CEACAM21: variants seen among roughly 807,000 people sequenced by gnomAD.
CEACAM21 encodes cell adhesion molecule CEACAM21.
A neutral mutation model predicts 33.2 loss-of-function variants in CEACAM21; 38 were observed. The ratio of observed to expected loss-of-function variants is 1.14; its 90% confidence interval spans 0.88 to 1.50. The LOEUF is 1.50. Ranked by LOEUF, CEACAM21 falls within the 40% of genes most tolerant of loss-of-function variation. The pLI is 0.00. For missense variants in CEACAM21, 385 were observed against 364.6 expected, an observed-to-expected ratio of 1.06 and a Z score of -0.46; for synonymous variants, 156 against 143.0, an observed-to-expected ratio of 1.09 and a Z score of -0.65.
chr19:41,563,998 T>A (rs1470274760), intron 1 of CEACAM21, among the ~76,000 whole-genome samples: 3 of 152,226 alleles, frequency 2.0e-5, no homozygotes, highest in African/African-American at 7.2e-5. Flanking sequence ...AGTATCTGAA[T>A]CTGCAGGGCC....
At chr19:41,558,387 C>CCTGT (rs1357420435) in intron 1 of CEACAM21, among the ~76,000 whole-genome samples, 2 of 152,146 alleles carry the variant, frequency 1.3e-5, no homozygotes, top group Non-Finnish European at 2.9e-5. Flanking sequence ...GTGGCTCACA[C>CCTGT]CTGTAATCCT....
At chr19:41,565,523 T>A (rs1326651688) in intron 2 of CEACAM21, 1 of 150,344 alleles carries the variant, frequency 6.7e-6, no homozygotes, top group African/African-American at 2.5e-5. Flanking sequence ...GAGATTTACA[T>A]CTCCAGTCTT....
upstream of CEACAM21, among the ~76,000 whole-genome samples, chr19:41,573,155 A>C (rs1386641006): frequency 6.6e-6 from 1 of 152,154 alleles, no homozygotes; most frequent in Non-Finnish European, 1.5e-5. Flanking sequence ...CAGAATCCTC[A>C]ATCTGTAGTG....
chr19:41,551,299 A>G (rs1555784158), intron 1 of CEACAM21: 2 of 151,920 alleles, frequency 1.3e-5, no homozygotes, highest in African/African-American at 4.8e-5. Context: ...AGTTGAGATT[A>G]CAGGTACACA....
intron 1 of CEACAM21, among the ~76,000 whole-genome samples, chr19:41,560,673 G>T (rs2041827611): frequency 6.6e-6 from 1 of 152,206 alleles, no homozygotes; most frequent in Non-Finnish European, 1.5e-5. Context: ...CAGTTAAACA[G>T]TAGAAACTCA....
intron 3 of CEACAM21, among the ~76,000 whole-genome samples, chr19:41,580,911 C>A (rs1222584391): frequency 6.6e-6 from 1 of 152,220 alleles, no homozygotes; most frequent in Non-Finnish European, 1.5e-5. Flanking sequence ...GGGTCAGTGA[C>A]CAGCCTCATT....
chr19:41,586,033 G>A, intron 6 of CEACAM21, 162 bp downstream of exon 6: 3 of 722,712 alleles, frequency 4.2e-6, no homozygotes, highest in Non-Finnish European at 7.1e-6. Context: ...TCAGGGCCAG[G>A]ATCATCCACT....
chr19:41,584,750 C>T (rs528685987), intron 4 of CEACAM21, among the ~76,000 whole-genome samples: 3 of 152,300 alleles, frequency 2.0e-5, no homozygotes, highest in East Asian at 1.9e-4. Flanking sequence ...CTGGTACCTC[C>T]CCCTGTTCAC....
chr19:41,557,650 A>AT (rs1555785849), intron 1 of CEACAM21, among the ~76,000 whole-genome samples: 1 of 152,158 alleles, frequency 6.6e-6, no homozygotes, highest in East Asian at 1.9e-4. Flanking sequence ...TTTGGTAAGC[A>AT]TGGGTTCTCT....
chr19:41,570,229 G>GGACA (rs1435031175), intron 2 of CEACAM21, among the ~76,000 whole-genome samples: 1 of 152,188 alleles, frequency 6.6e-6, no homozygotes, highest in African/African-American at 2.4e-5. Flanking sequence ...GGGAGCTCAG[G>GGACA]GACAGACCTG....
chr19:41,557,055 C>A (rs2041577804), intron 1 of CEACAM21, among the ~76,000 whole-genome samples: 1 of 152,216 alleles, frequency 6.6e-6, no homozygotes, highest in African/African-American at 2.4e-5. Context: ...TTCAATCCAA[C>A]ACCTACTTCA....
At chr19:41,580,399 C>A (rs368262594) in intron 3 of CEACAM21, among the ~76,000 whole-genome samples, 3 of 152,294 alleles carry the variant, frequency 2.0e-5, no homozygotes, top group African/African-American at 7.2e-5. Flanking sequence ...CTGACACTAT[C>A]TACCTGGACA....
chr19:41,557,748 C>T (rs1388731544), intron 1 of CEACAM21, among the ~76,000 whole-genome samples: 2 of 152,184 alleles, frequency 1.3e-5, no homozygotes, highest in Non-Finnish European at 2.9e-5. Context: ...AAAATGGTCT[C>T]GTTTGTCAAC....
chr19:41,566,717 T>G (rs1316870757), intron 2 of CEACAM21, among the ~76,000 whole-genome samples: 2 of 152,204 alleles, frequency 1.3e-5, no homozygotes, highest in African/African-American at 2.4e-5. Context: ...CTTCTGAGAA[T>G]TGGTTGAGGA....
In CEACAM21 at chr19:41,585,739, C is replaced by T. The variant is rs529522943; in HGVS notation, c.851-101C>T. ...CCCTAAAATAACCTGAGAAAGGCTC[C>T]CTCTCCCCAATTCTCTAAGAACTGA... is the stretch of plus-strand genomic sequence containing the variant. On this transcript the variant is annotated intron_variant, in intron 5 of 6. Transcript: ENST00000401445. 6 of 1,279,164 alleles carry T rather than the reference C, an allele frequency of 4.7e-6. No individual in the cohort carries two copies. The African/African-American group carries it at 7.4e-5, about 16-fold the overall frequency. 79.2% of individuals were successfully genotyped at this position (1,279,164 alleles called of 1,614,324 possible).
At chr19:41,555,673 C>T (rs1162355929) in intron 1 of CEACAM21, among the ~76,000 whole-genome samples, 2 of 152,072 alleles carry the variant, frequency 1.3e-5, no homozygotes, top group East Asian at 3.8e-4. Context: ...TTCCACACTG[C>T]ACAATGCTGT....
At chr19:41,549,833 T>C (rs935487007) in intron 1 of CEACAM21, among the ~76,000 whole-genome samples, 1 of 152,182 alleles carries the variant, frequency 6.6e-6, no homozygotes, top group African/African-American at 2.4e-5. Context: ...GCTGGGACTC[T>C]AGGCATTTGC....
At chr19:41,582,847 T>C (rs1555793943) in intron 3 of CEACAM21, among the ~76,000 whole-genome samples, 1 of 152,242 alleles carries the variant, frequency 6.6e-6, no homozygotes, top group Non-Finnish European at 1.5e-5. Flanking sequence ...GTCTCTGACA[T>C]GCCCTGGAGA....
chr19:41,570,832 G>A (rs1315409918), intron 2 of CEACAM21, among the ~76,000 whole-genome samples: 2 of 152,160 alleles, frequency 1.3e-5, no homozygotes, highest in African/African-American at 4.8e-5. Context: ...CTGCTAAGGA[G>A]CAAGGAGACC....
Sources: allele counts gnomAD v4.1 joint callset (sites outside exome capture counted in the v4.1 genomes callset), GRCh38; gene constraint gnomAD v4.1.1; transcripts MANE v1.5; gene names NCBI Gene and HGNC (gene_info 2026-07-23, HGNC 2026-07-21).